Variants in GRIPAP1 observed in about 807,000 individuals in gnomAD.
GRIPAP1 encodes the protein GRIP1 associated protein 1.
Under a neutral mutation model 84.1 loss-of-function variants are expected in GRIPAP1, and 14 were observed. The observed-to-expected ratio is 0.17, with a 90% CI of 0.11 to 0.26. The LOEUF (loss-of-function observed/expected upper bound fraction) is 0.26. GRIPAP1 is among the 10% of genes least tolerant of loss of function. GRIPAP1 has a pLI of 1.00. For missense variants in GRIPAP1, 518 were observed against 674.2 expected (o/e 0.77, Z 2.57); for synonymous variants, 261 against 256.8 (o/e 1.02, Z -0.15).
intron 6 of GRIPAP1, among the ~76,000 whole-genome samples, chrX:48,992,943 C>T (rs1298259757): frequency 4.5e-5 from 5 of 110,982 alleles, no homozygotes; most frequent in Non-Finnish European, 7.6e-5. Flanking sequence ...GCCTCAGCCT[C>T]CAGAGTAGCT....
intron 2 of GRIPAP1, 61 bp from the exon 3 acceptor site, chrX:48,999,360 C>T: frequency 8.9e-7 from 1 of 1,127,332 alleles, no homozygotes. Flanking sequence ...GAAAGGCCTT[C>T]CTGCCAGGCC....
At position 48,983,302 on chromosome X, in the gene GRIPAP1, G is replaced by T; in HGVS notation, c.1411C>A (p.Arg471Ser). ...EVLGVRARYE[R>S]ELRELHEDKK... ...TCTTCATGCAGCTCTCGGAGCTCAC[G>T]CTCATAGCGGGCACGCACCCCCAGC... Residue 471 changes from arginine (R) to serine (S), a missense_variant, in exon 16 of 26, where the codon CGT (arginine) becomes AGT (serine). Physicochemically the swap from Arg to Ser is moderately radical, Grantham distance 110. Coordinates refer to ENST00000376423, the MANE Select transcript of GRIPAP1 (RefSeq NM_020137.5). The T allele has an allele frequency of 1.7e-6, 2 of 1,211,966 alleles. No homozygotes were observed. Among genetic ancestry groups the T allele is most frequent in the Non-Finnish European group, 2.2e-6 (2 of 895,310 alleles).
intron 13 of GRIPAP1, among the ~76,000 whole-genome samples, chrX:48,987,442 C>CTTTTT (rs782089098): frequency 1.2e-5 from 1 of 83,181 alleles, no homozygotes; most frequent in Admixed American, 1.4e-4. Context: ...CCACCACGCC[C>CTTTTT]TTTTTTTTTT....
chrX:48,999,172 T>A, intron 3 of GRIPAP1, 66 bp downstream of exon 3: 3 of 805,668 alleles, frequency 3.7e-6, no homozygotes, highest in East Asian at 3.1e-5. Flanking sequence ...ACTGGAGGGA[T>A]GAATGAGTCA....
intron 17 of GRIPAP1, 36 bp downstream of exon 17, chrX:48,982,943 T>A (rs1373756940): frequency 2.1e-6 from 2 of 931,898 alleles, no homozygotes; most frequent in Non-Finnish European, 3.1e-6. Flanking sequence ...AGGGCCCCAA[T>A]CAGCCTCTGT....
chrX:48,999,144 G>C (rs1338307839), intron 3 of GRIPAP1, 94 bp downstream of exon 3: 1 of 571,443 alleles, frequency 1.7e-6, no homozygotes. Flanking sequence ...CATTAGGTCT[G>C]GTTCACTGTA....
At chrX:48,975,119 G>C (rs1384508723) in intron 25 of GRIPAP1, 36 bp downstream of exon 25, 1 of 1,187,183 alleles carries the variant, frequency 8.4e-7, no homozygotes, top group Non-Finnish European at 1.1e-6. Context: ...CAGGTGGCTG[G>C]GTGAACAGAT....
At chrX:48,986,622 G>T (rs782457234) in intron 13 of GRIPAP1, among the ~76,000 whole-genome samples, 49 of 107,882 alleles carry the variant, frequency 4.5e-4, no homozygotes, top group African/African-American at 1.6e-3. Context: ...CTCGAACTCC[G>T]AACCCCAGGT....
At position 48,981,614 on chromosome X, in the gene GRIPAP1, G is replaced by C; in HGVS notation, c.1755C>G (p.Thr585=). ...CACTGACCTGCTTCAGGCTGCTAAT[G>C]GTCTTCAGGTGGCAGTCCCGCTCCT... ...AQEERDCHLK[T]ISSLKQEVKD... The change falls in exon 19 of 26, where the codon ACC becomes ACG. Residue 585 remains threonine (T), a synonymous_variant. Coordinates refer to ENST00000376423, the MANE Select transcript of GRIPAP1 (RefSeq NM_020137.5). The C allele has an allele frequency of 8.3e-7, 1 of 1,204,861 alleles. No homozygotes were observed.
intron 8 of GRIPAP1, 82 bp downstream of exon 8, chrX:48,990,603 C>T: frequency 1.3e-6 from 1 of 782,484 alleles, no homozygotes; most frequent in African/African-American, 2.0e-5. Context: ...GTACAATGCC[C>T]CTTCTGCCCT....
At chrX:48,987,443 T>C (rs1190541055) in intron 13 of GRIPAP1, among the ~76,000 whole-genome samples, 2 of 72,450 alleles carry the variant, frequency 2.8e-5, no homozygotes, top group African/African-American at 9.8e-5. Flanking sequence ...CACCACGCCC[T>C]TTTTTTTTTT....
chrX:48,980,259 G>A, intron 21 of GRIPAP1, among the ~76,000 whole-genome samples: 1 of 104,401 alleles, frequency 9.6e-6, no homozygotes, highest in Admixed American at 1.0e-4. Context: ...GTGTGTGTGT[G>A]TGTGTGTCTT....
intron 1 of GRIPAP1, chrX:49,000,628 T>G (rs1282394856): frequency 3.7e-5 from 4 of 108,482 alleles, no homozygotes; most frequent in Non-Finnish European, 7.6e-5. Flanking sequence ...GAGGTGGAGG[T>G]TGCAGTGAGC....
intron 12 of GRIPAP1, 114 bp downstream of exon 12, chrX:48,988,007 A>T (rs1344760928): frequency 3.2e-6 from 2 of 619,724 alleles, no homozygotes; most frequent in African/African-American, 4.6e-5. Context: ...ACACACACAC[A>T]CACGAAGGCC....
chrX:48,988,862 T>A (rs1191957475), intron 11 of GRIPAP1, among the ~76,000 whole-genome samples: 1 of 110,698 alleles, frequency 9.0e-6, no homozygotes, highest in African/African-American at 3.3e-5. Context: ...TGTTCCCAGT[T>A]TCTAGGGACT....
chrX:48,997,099 C>T, intron 5 of GRIPAP1, 151 bp downstream of exon 5: 1 of 444,126 alleles, frequency 2.3e-6, no homozygotes, highest in Non-Finnish European at 3.9e-6. Flanking sequence ...TGTCAAATTA[C>T]TGCCCCCCAG....
intron 4 of GRIPAP1, 197 bp downstream of exon 4, chrX:48,997,957 A>C: frequency 2.2e-6 from 1 of 451,621 alleles, no homozygotes; most frequent in African/African-American, 2.5e-5. Flanking sequence ...AAGAATGGAA[A>C]GAGAGAGAAG....
chrX:48,975,040 TG>T, intron 25 of GRIPAP1, 114 bp downstream of exon 25: 1 of 588,096 alleles, frequency 1.7e-6, no homozygotes, highest in Non-Finnish European at 2.6e-6. Context: ...GGAGGATAGC[TG>T]GGAGGACAGG....
At chrX:48,993,297 TG>T (rs2064529976) in intron 6 of GRIPAP1, 130 bp downstream of exon 6, 1 of 524,583 alleles carries the variant, frequency 1.9e-6, no homozygotes, top group Non-Finnish European at 2.9e-6. Flanking sequence ...TGAAATGGCT[TG>T]TCCAAAGCCA....
Sources: gnomAD v4.1 joint callset for allele counts (sites outside exome capture counted in the v4.1 genomes callset) on GRCh38, gnomAD v4.1.1 for gene constraint, MANE v1.5 for transcripts, NCBI Gene and HGNC (gene_info 2026-07-23, HGNC 2026-07-21) for gene names.